Variants in VAT1L observed in about 807,000 individuals in gnomAD.
The protein encoded by VAT1L is putative NADPH-dependent quinone oxidoreductase VAT1L.
A neutral mutation model predicts 44.1 loss-of-function variants in VAT1L; 34 were observed. The observed-to-expected ratio is 0.77, with a 90% CI of 0.59 to 1.03. The LOEUF is 1.03. VAT1L is among the 50% of genes least tolerant of loss of function. The pLI is 0.00. For synonymous variants in VAT1L, 253 were observed against 202.2 expected (o/e 1.25, Z -2.13); for missense variants, 615 against 538.8 (o/e 1.14, Z -1.40).
At chr16:77,855,333 C>T (rs2016847215) in intron 3 of VAT1L, among the ~76,000 whole-genome samples, 1 of 149,800 alleles carries the variant, frequency 6.7e-6, no homozygotes. Flanking sequence ...AAGCGAGACT[C>T]CATCTCAGAA....
chr16:77,951,131 C>A (rs1162620731), intron 7 of VAT1L, among the ~76,000 whole-genome samples: 1 of 152,226 alleles, frequency 6.6e-6, no homozygotes, highest in Non-Finnish European at 1.5e-5. Context: ...GTTGGCTGCA[C>A]TGGCTGTTCA....
At chr16:77,909,498 G>T (rs762575777) in intron 7 of VAT1L, among the ~76,000 whole-genome samples, 1 of 151,994 alleles carries the variant, frequency 6.6e-6, no homozygotes, top group African/African-American at 2.4e-5. Context: ...GTAGCCAGGC[G>T]TGGTGGTGTG....
rs1399146400 is a variant in VAT1L, at chr16:77,978,011, T to C, written c.*316T>C. ...TAATACAAGTCCCAGGCCCAATGCCTAAGAGACCAGACGTGGGCAAAGACA... is the reference window on the plus strand; with the variant it reads ...TAATACAAGTCCCAGGCCCAATGCCCAAGAGACCAGACGTGGGCAAAGACA... On this transcript the variant is annotated 3_prime_UTR_variant, in exon 9 of 9. Transcript: ENST00000302536. The C allele has an allele frequency of 3.9e-6, 1 of 259,210 alleles. No homozygotes were observed. The highest frequency in any genetic ancestry group is 9.3e-5 in the East Asian group (1 of 10,780). The allele number at this position is 259,210 out of a possible 1,614,324, so 16.1% of individuals were successfully genotyped here.
At chr16:77,908,489 A>AG (rs1555518764) in intron 7 of VAT1L, among the ~76,000 whole-genome samples, 1 of 149,450 alleles carries the variant, frequency 6.7e-6, no homozygotes, top group Non-Finnish European at 1.5e-5. Flanking sequence ...AAAAAAAAAA[A>AG]GCCATCACAA....
chr16:77,875,637 T>C (rs1021312465), intron 4 of VAT1L, among the ~76,000 whole-genome samples: 2 of 152,140 alleles, frequency 1.3e-5, no homozygotes, highest in Admixed American at 1.3e-4. Flanking sequence ...AAGAAATGAA[T>C]AGAAGAGATC....
chr16:77,914,698 G>C (rs1367488951), intron 7 of VAT1L, among the ~76,000 whole-genome samples: 1 of 151,900 alleles, frequency 6.6e-6, no homozygotes. Context: ...TGGGTAAAGA[G>C]TTGTTGGGCC....
intron 3 of VAT1L, among the ~76,000 whole-genome samples, chr16:77,845,183 G>A (rs1335734623): frequency 6.6e-6 from 1 of 151,140 alleles, no homozygotes; most frequent in Non-Finnish European, 1.5e-5. Context: ...TGAGGTCGGC[G>A]CTGACAGTCC....
intron 3 of VAT1L, among the ~76,000 whole-genome samples, chr16:77,835,039 G>A (rs2016624141): frequency 6.6e-6 from 1 of 152,120 alleles, no homozygotes; most frequent in Admixed American, 6.6e-5. Context: ...GTGTTGGTTT[G>A]CTTTTGTTTT....
At chr16:77,794,905 G>A (rs555799264) in intron 1 of VAT1L, among the ~76,000 whole-genome samples, 1 of 152,274 alleles carries the variant, frequency 6.6e-6, no homozygotes, top group South Asian at 2.1e-4. Context: ...CTGAGTCCTT[G>A]CTGATGAGGA....
At chr16:77,858,695 G>A (rs554409791) in intron 3 of VAT1L, among the ~76,000 whole-genome samples, 1 of 152,244 alleles carries the variant, frequency 6.6e-6, no homozygotes, top group South Asian at 2.1e-4. Flanking sequence ...GTAAACCTCA[G>A]CTTCTTCCTC....
intron 5 of VAT1L, among the ~76,000 whole-genome samples, chr16:77,878,327 T>C (rs1333734280): frequency 6.6e-6 from 1 of 152,186 alleles, no homozygotes; most frequent in Non-Finnish European, 1.5e-5. Flanking sequence ...AAAATACACA[T>C]GACTATTTTA....
intron 7 of VAT1L, among the ~76,000 whole-genome samples, chr16:77,934,998 G>T (rs1372368033): frequency 6.6e-6 from 1 of 152,032 alleles, no homozygotes; most frequent in Non-Finnish European, 1.5e-5. Flanking sequence ...TTTGAGTATA[G>T]GGGGGATAAA....
chr16:77,798,801 A>G (rs1306168501), intron 1 of VAT1L, among the ~76,000 whole-genome samples: 1 of 152,200 alleles, frequency 6.6e-6, no homozygotes, highest in Non-Finnish European at 1.5e-5. Context: ...GAACCAAAAT[A>G]CACTGTGCTT....
At chr16:77,839,175 C>T (rs1479126101) in intron 3 of VAT1L, among the ~76,000 whole-genome samples, 1 of 151,954 alleles carries the variant, frequency 6.6e-6, no homozygotes, top group Non-Finnish European at 1.5e-5. Flanking sequence ...GGACTGATGT[C>T]TGAAGGAGGG....
chr16:77,824,596 A>G (rs1025114093), intron 2 of VAT1L, among the ~76,000 whole-genome samples: 7 of 151,754 alleles, frequency 4.6e-5, no homozygotes, highest in Non-Finnish European at 1.0e-4. Flanking sequence ...TCTACTAAAA[A>G]TACAAAAAAA....
intron 7 of VAT1L, among the ~76,000 whole-genome samples, chr16:77,960,472 G>A (rs764311698): frequency 6.6e-6 from 1 of 152,160 alleles, no homozygotes; most frequent in Admixed American, 6.5e-5. Context: ...GGAAGCAAAG[G>A]CATTAACAGA....
At chr16:77,905,058 A>G (rs2017424598) in intron 7 of VAT1L, among the ~76,000 whole-genome samples, 1 of 152,208 alleles carries the variant, frequency 6.6e-6, no homozygotes, top group Non-Finnish European at 1.5e-5. Context: ...CCTAGGAAAT[A>G]CTGGTGTCAA....
At chr16:77,955,197 T>C (rs976029069) in intron 7 of VAT1L, among the ~76,000 whole-genome samples, 6 of 152,170 alleles carry the variant, frequency 3.9e-5, no homozygotes, top group Non-Finnish European at 5.9e-5. Flanking sequence ...GGGAGAGATA[T>C]AGAAAAAGTT....
At chr16:77,952,075 T>A (rs141874387) in intron 7 of VAT1L, among the ~76,000 whole-genome samples, 2 of 152,184 alleles carry the variant, frequency 1.3e-5, no homozygotes, top group Non-Finnish European at 2.9e-5. Context: ...GCTCTTATCC[T>A]TCCCAGAGAC....
Sources: gnomAD v4.1 joint callset for allele counts (sites outside exome capture counted in the v4.1 genomes callset) on GRCh38, gnomAD v4.1.1 for gene constraint, MANE v1.5 for transcripts, NCBI Gene and HGNC (gene_info 2026-07-23, HGNC 2026-07-21) for gene names.